Variants in PCDHGA5 observed in about 807,000 individuals in gnomAD.
PCDHGA5 encodes protocadherin gamma-A5.
A neutral mutation model predicts 56.7 loss-of-function variants in PCDHGA5; 36 were observed. That is an observed-to-expected ratio of 0.64 (90% CI 0.49 to 0.84). PCDHGA5 has a LOEUF of 0.84. Among genes scored for constraint, PCDHGA5 ranks in the 40% least tolerant of loss-of-function variants. The pLI is 0.00. For missense variants in PCDHGA5, 1,305 were observed against 1,201.5 expected (o/e 1.09, Z -1.27); for synonymous variants, 563 against 520.2 (o/e 1.08, Z -1.12).
At chr5:141,393,349 C>G in intron 1 of PCDHGA5, 1 of 1,613,964 alleles carries the variant, frequency 6.2e-7, no homozygotes, top group Non-Finnish European at 8.5e-7. Context: ...CACCACTTCT[C>G]CCTGGACGTG....
intron 1 of PCDHGA5, chr5:141,371,619 G>A (rs780564010): frequency 1.5e-5 from 25 of 1,613,894 alleles, no homozygotes; most frequent in Non-Finnish European, 2.1e-5. Flanking sequence ...GACAGATGGA[G>A]CCCTGGACCG....
Position 141,476,209 on chromosome 5 carries a change from G to T in PCDHGA5, c.2422-18598G>T, listed in dbSNP as rs749576231. On this transcript the variant is annotated intron_variant, in intron 1 of 3. Coordinates refer to ENST00000518069, the MANE Select transcript of PCDHGA5 (RefSeq NM_018918.3). The surrounding 1 kb of genome is among the most constrained non-coding windows in gnomAD (Gnocchi z 7.6). ...TTGGTGCCTTGAACAAGGCTTCCAC[G>T]GTCATTCACTATGAGATCCCGGAGG... The T allele has an allele frequency of 6.2e-6, 10 of 1,613,974 alleles. No individual in the cohort carries two copies. Among genetic ancestry groups the T allele is most frequent in the Non-Finnish European group, 8.5e-6 (10 of 1,180,026 alleles).
intron 1 of PCDHGA5, among the ~76,000 whole-genome samples, chr5:141,434,384 G>T (rs980455943): frequency 2.6e-5 from 4 of 152,208 alleles, no homozygotes; most frequent in African/African-American, 4.8e-5. Context: ...CCCAAAACTG[G>T]CCATAAACAA....
At position 141,494,788 on chromosome 5, in the gene PCDHGA5, C is replaced by T. The variant is rs2099756942; in HGVS notation, c.2422-19C>T. The T allele has an allele frequency of 6.2e-7, 1 of 1,614,116 alleles. No homozygotes were observed. The highest frequency in any genetic ancestry group is 8.5e-7 in the Non-Finnish European group (1 of 1,180,000). On this transcript the variant is annotated intron_variant, in intron 1 of 3. Transcript: ENST00000518069. ...CTTCTCACGGGTACTCAGCCCCTTTCCCTCTGTTTTCTCCACAGCAAGCCC... is the reference window on the plus strand; with the variant it reads ...CTTCTCACGGGTACTCAGCCCCTTTTCCTCTGTTTTCTCCACAGCAAGCCC...
At position 141,486,464 on chromosome 5, in the gene PCDHGA5, G is replaced by A; in HGVS notation, c.2422-8343G>A. The A allele has an allele frequency of 1.2e-6, 2 of 1,614,034 alleles. No homozygotes were observed. Among genetic ancestry groups the A allele is most frequent in the Non-Finnish European group, 1.7e-6 (2 of 1,179,946 alleles). On this transcript the variant is annotated intron_variant, in intron 1 of 3. Transcript: ENST00000518069. This position sits in a 1 kb window ranked among gnomAD's most constrained non-coding sequence, Gnocchi z 5.0. ...CATCATGGTCACTGCTTCTGATGCTGGGAACCCTCCTCTCAGTACCCACAG... is the reference window on the plus strand; with the variant it reads ...CATCATGGTCACTGCTTCTGATGCTAGGAACCCTCCTCTCAGTACCCACAG...
chr5:141,432,495 C>G lies in PCDHGA5; in HGVS notation c.2422-62312C>G. 1.2e-6 allele frequency: 2 copies of G among 1,614,182 alleles called. No individual in the cohort carries two copies. The highest frequency in any genetic ancestry group is 1.7e-6 in the Non-Finnish European group (2 of 1,180,048). On this transcript the variant is annotated intron_variant, in intron 1 of 3. Coordinates refer to ENST00000518069, the MANE Select transcript of PCDHGA5 (RefSeq NM_018918.3). The surrounding 1 kb of genome is among the most constrained non-coding windows in gnomAD (Gnocchi z 6.0). ...GGTTCCACTGGCGTGGAGCTGGCTC[C>G]CCGCTCCGCAGAGCCCGGCTACCTG...
At chr5:141,383,565 A>G (rs1306554654) in intron 1 of PCDHGA5, 5 of 1,613,204 alleles carry the variant, frequency 3.1e-6, no homozygotes, top group Non-Finnish European at 4.2e-6. Flanking sequence ...ACCCGCCCCG[A>G]TCCAGCACCG....
At chr5:141,436,173 A>T (rs556225963) in intron 1 of PCDHGA5, among the ~76,000 whole-genome samples, 1 of 152,302 alleles carries the variant, frequency 6.6e-6, no homozygotes, top group East Asian at 1.9e-4. Context: ...GACAGTTCTC[A>T]TATATAGTCA....
intron 1 of PCDHGA5, chr5:141,430,707 CT>C: frequency 6.8e-7 from 1 of 1,478,562 alleles, no homozygotes; most frequent in Non-Finnish European, 9.0e-7. Context: ...GGAACTGCTC[CT>C]GACTTCAGTG....
intron 1 of PCDHGA5, chr5:141,393,581 C>T (rs1356594219): frequency 5.0e-6 from 8 of 1,613,790 alleles, no homozygotes; most frequent in Non-Finnish European, 6.8e-6. Flanking sequence ...AGAACATGCC[C>T]CCAGGCACGC....
Position 141,407,403 on chromosome 5 carries a change from A to G in PCDHGA5, c.2421+40652A>G, listed in dbSNP as rs964260933. 2.0e-5 allele frequency among the ~76,000 whole-genome samples: 3 copies of G among 152,220 alleles called. No individual in the cohort carries two copies. In the East Asian group the frequency reaches 5.8e-4, roughly 29 times the overall value. Reference sequence around the variant, plus strand: ...TTGTATGTCATGGTAGGTAGTTACTATTCGATACCACAAAAATGTCTCTTG... The same window carrying G: ...TTGTATGTCATGGTAGGTAGTTACTGTTCGATACCACAAAAATGTCTCTTG... On this transcript the variant is annotated intron_variant, in intron 1 of 3. Transcript: ENST00000518069.
intron 3 of PCDHGA5, among the ~76,000 whole-genome samples, chr5:141,507,673 G>A (rs184362608): frequency 6.6e-5 from 10 of 152,368 alleles, no homozygotes; most frequent in Admixed American, 2.6e-4. Context: ...AAATCCAGAT[G>A]TTAAAAACAG....
intron 1 of PCDHGA5, chr5:141,478,613 G>T: frequency 6.4e-7 from 1 of 1,557,312 alleles, no homozygotes; most frequent in African/African-American, 1.4e-5. Flanking sequence ...ATTGAGGAAG[G>T]AATGGAGCTG....
rs200598354 is a variant in PCDHGA5 at position 141,365,666 on chromosome 5, A to G, written c.1336A>G (p.Asn446Asp). ...CATCCCCTTGAAAGTAGCAGACGTT[A>G]ATGACAACCCACCCAATTTCCCTCA... is the stretch of plus-strand genomic sequence containing the variant. ...SHIPLKVADV[N>D]DNPPNFPQAS... is the part of the protein sequence containing the mutation. The change falls in exon 1 of 4, where the codon AAT becomes GAT. Residue 446 changes from asparagine to aspartate, a missense_variant. Coordinates refer to ENST00000518069, the MANE Select transcript of PCDHGA5 (RefSeq NM_018918.3). The G allele has an allele frequency of 2.4e-4, 388 of 1,613,398 alleles. No homozygotes were observed. Among genetic ancestry groups the G allele is most frequent in the Admixed American group, 8.2e-4 (49 of 60,008 alleles).
intron 2 of PCDHGA5, among the ~76,000 whole-genome samples, chr5:141,500,324 T>G (rs1165047676): frequency 6.6e-6 from 1 of 151,994 alleles, no homozygotes; most frequent in African/African-American, 2.4e-5. Flanking sequence ...TGCTCCTGCC[T>G]CAGCCTCCAG....
At position 141,375,584 on chromosome 5, in the gene PCDHGA5, C is replaced by T. The variant is rs555182663; in HGVS notation, c.2421+8833C>T. The stretch of plus-strand genomic sequence containing the variant: ...AGAAGACACCCTCCAGGGGGCGCCC[C>T]TGTCCTCCTACGTGTCCATCAACTC... On this transcript the variant is annotated intron_variant, in intron 1 of 3. Coordinates refer to ENST00000518069, the MANE Select transcript of PCDHGA5 (RefSeq NM_018918.3). 2.3e-5 allele frequency: 37 copies of T among 1,614,178 alleles called. 2 individuals carry two copies. The South Asian group carries it at 3.8e-4, about 17-fold the overall frequency.
intron 1 of PCDHGA5, among the ~76,000 whole-genome samples, chr5:141,451,875 T>C (rs747595781): frequency 5.9e-5 from 9 of 151,594 alleles, no homozygotes; most frequent in Non-Finnish European, 1.3e-4. Context: ...AATGAAACCC[T>C]GTCAAGAAAG....
chr5:141,404,942 A>G, intron 1 of PCDHGA5: 2 of 1,613,982 alleles, frequency 1.2e-6, no homozygotes, highest in South Asian at 1.1e-5. Context: ...CACAGTAGCC[A>G]TAGCTGACAG....
At chr5:141,467,693 G>C (rs543886467) in intron 1 of PCDHGA5, among the ~76,000 whole-genome samples, 49 of 152,108 alleles carry the variant, frequency 3.2e-4, no homozygotes, top group African/African-American at 1.1e-3. Flanking sequence ...ACAGGGTCTG[G>C]CTCTGTTGCC....
Sources: gnomAD v4.1 joint callset for allele counts (sites outside exome capture counted in the v4.1 genomes callset) on GRCh38, gnomAD v4.1.1 for gene constraint, Gnocchi (gnomAD v3.1) non-coding constraint, MANE v1.5 for transcripts, NCBI Gene and HGNC (gene_info 2026-07-23, HGNC 2026-07-21) for gene names.